DCLK2: variants seen among roughly 807,000 people sequenced by gnomAD.
The protein encoded by DCLK2 is doublecortin like kinase 2, also known as serine/threonine-protein kinase DCLK2.
Under a neutral mutation model 78.4 loss-of-function variants are expected in DCLK2, and 31 were observed. The observed-to-expected ratio is 0.40, with a 90% CI of 0.30 to 0.53. The LOEUF (loss-of-function observed/expected upper bound fraction) is 0.53. DCLK2 is among the 20% of genes least tolerant of loss of function. The pLI, the probability that DCLK2 is intolerant of heterozygous loss-of-function variation, is 0.61. For synonymous variants in DCLK2, 407 were observed against 374.9 expected (o/e 1.09, Z -0.99); for missense variants, 872 against 973.7 (o/e 0.90, Z 1.39).
intron 12 of DCLK2, among the ~76,000 whole-genome samples, chr4:150,241,183 T>C (rs1580783272): frequency 6.6e-6 from 1 of 152,364 alleles, no homozygotes; most frequent in East Asian, 1.9e-4. Flanking sequence ...TGACATTTAA[T>C]TAAGAATAGA....
intron 2 of DCLK2, among the ~76,000 whole-genome samples, chr4:150,132,348 GT>G (rs1289774127): frequency 3.3e-5 from 5 of 152,196 alleles, no homozygotes; most frequent in Non-Finnish European, 7.3e-5. Flanking sequence ...AATTCAGTGG[GT>G]AATGTGGACT....
intron 15 of DCLK2, among the ~76,000 whole-genome samples, chr4:150,255,239 G>A (rs1305760352): frequency 6.6e-6 from 1 of 152,202 alleles, no homozygotes; most frequent in Non-Finnish European, 1.5e-5. Context: ...AGGTGCCTGG[G>A]AACTGCCATC....
At chr4:150,113,418 A>G (rs544925713) in intron 2 of DCLK2, among the ~76,000 whole-genome samples, 1 of 151,376 alleles carries the variant, frequency 6.6e-6, no homozygotes, top group Non-Finnish European at 1.5e-5. Flanking sequence ...ATTTTGATTC[A>G]GTCTCACTAC....
chr4:150,174,307 A>G (rs1465855024), intron 2 of DCLK2, among the ~76,000 whole-genome samples: 1 of 152,176 alleles, frequency 6.6e-6, no homozygotes, highest in African/African-American at 2.4e-5. Context: ...GACCTCTCTT[A>G]TGAAGCTGCT....
intron 2 of DCLK2, among the ~76,000 whole-genome samples, chr4:150,153,092 G>T (rs549420407): frequency 6.6e-6 from 1 of 152,288 alleles, no homozygotes; most frequent in Non-Finnish European, 1.5e-5. Flanking sequence ...GAATTTTATT[G>T]GTCTAAGCAA....
intron 8 of DCLK2, among the ~76,000 whole-genome samples, chr4:150,231,210 T>G (rs1362455278): frequency 6.6e-6 from 1 of 152,224 alleles, no homozygotes; most frequent in Non-Finnish European, 1.5e-5. Flanking sequence ...TGTTCAAACA[T>G]TACACAAGTA....
chr4:150,211,881 A>G (rs371914632), intron 5 of DCLK2, among the ~76,000 whole-genome samples: 3 of 152,218 alleles, frequency 2.0e-5, no homozygotes, highest in Admixed American at 1.3e-4. Flanking sequence ...AACTTTTCCC[A>G]TAGGAATATT....
chr4:150,217,519 G>A (rs1740814298), intron 5 of DCLK2, among the ~76,000 whole-genome samples: 1 of 152,196 alleles, frequency 6.6e-6, no homozygotes, highest in South Asian at 2.1e-4. Context: ...GTAACCGTCA[G>A]CACCTATCCT....
intron 2 of DCLK2, among the ~76,000 whole-genome samples, chr4:150,172,764 G>GTT (rs747350294): frequency 1.8e-4 from 23 of 128,056 alleles, no homozygotes; most frequent in East Asian, 4.4e-4. Context: ...TTTTTTTGGG[G>GTT]GGGGGGGGGA....
At chr4:150,126,084 A>G (rs1233302185) in intron 2 of DCLK2, among the ~76,000 whole-genome samples, 1 of 152,236 alleles carries the variant, frequency 6.6e-6, no homozygotes, top group Non-Finnish European at 1.5e-5. Context: ...ATGTTTGGAT[A>G]CTATGAGAGT....
intron 2 of DCLK2, among the ~76,000 whole-genome samples, chr4:150,129,694 T>G (rs944825349): frequency 2.6e-5 from 4 of 151,826 alleles, no homozygotes; most frequent in Non-Finnish European, 5.9e-5. Context: ...CACTTCAGGC[T>G]GGCGACAGAG....
At chr4:150,173,492 C>T (rs914247623) in intron 2 of DCLK2, among the ~76,000 whole-genome samples, 5 of 152,088 alleles carry the variant, frequency 3.3e-5, no homozygotes, top group African/African-American at 7.2e-5. Context: ...TCTGAGGTGT[C>T]GTGTGATGAA....
Position 150,102,544 on chromosome 4 carries a change from C to G in DCLK2, c.488C>G (p.Pro163Arg). 3 of 1,614,088 alleles carry G rather than the reference C, an allele frequency of 1.9e-6. No individual in the cohort carries two copies. The highest frequency in any genetic ancestry group is 2.5e-6 in the Non-Finnish European group (3 of 1,180,004). Residue 163 changes from proline (P) to arginine (R), a missense_variant, in exon 2 of 16, where the codon CCA (proline) becomes CGA (arginine). Coordinates refer to ENST00000296550, the MANE Select transcript of DCLK2 (RefSeq NM_001040260.4). Reference sequence around the variant, plus strand: ...GTCGATTACACCAAAAATATTAATCCAAACTGGTCTGTGAACATCAAGGGT... The same window carrying G: ...GTCGATTACACCAAAAATATTAATCGAAACTGGTCTGTGAACATCAAGGGT... ...RKVDYTKNIN[P>R]NWSVNIKGGT...
Position 150,140,603 on chromosome 4 carries a change from A to C in DCLK2, c.756+37791A>C, listed in dbSNP as rs1258183563. On this transcript the variant is annotated intron_variant, in intron 2 of 15. Transcript: ENST00000296550. ...CTGCCTTATGCTCATGACATATCTT[A>C]CTGAAGATAAGTCAGTGTGCTAGTG... Among the ~76,000 whole-genome samples the C allele has an allele frequency of 3.9e-5, 6 of 152,342 alleles. No individual in the cohort carries two copies. In the East Asian group the frequency reaches 7.7e-4, roughly 20 times the overall value.
intron 2 of DCLK2, among the ~76,000 whole-genome samples, chr4:150,121,598 C>A (rs1560789448): frequency 6.6e-6 from 1 of 152,176 alleles, no homozygotes; most frequent in Non-Finnish European, 1.5e-5. Context: ...TCAACTTCTT[C>A]CAGACTCCTG....
intron 5 of DCLK2, among the ~76,000 whole-genome samples, chr4:150,220,370 A>G (rs907641060): frequency 3.9e-5 from 6 of 152,210 alleles, no homozygotes; most frequent in Non-Finnish European, 7.3e-5. Flanking sequence ...AGAATTATCT[A>G]TAGTTCTAAG....
rs529521657 is a variant in DCLK2 at position 150,246,166 on chromosome 4, T to C, written c.1779-1437T>C. ...TTCAAGGGATTCTCCTGCCCCAGCC[T>C]CCTGAGTAGCTGGGATTACAGGTGC... On this transcript the variant is annotated intron_variant, in intron 12 of 15. Transcript: ENST00000296550. Among the ~76,000 whole-genome samples the C allele has an allele frequency of 3.5e-3, 538 of 152,074 alleles. 5 individuals are homozygous for C. The highest frequency in any genetic ancestry group is 0.012 in the African/African-American group (505 of 41,498).
At position 150,193,105 on chromosome 4, in the gene DCLK2, A is replaced by G. The variant is rs1280741013; in HGVS notation, c.757-33A>G. ...TTTTCATTTCACTTCTAATGTGTCT[A>G]ATTTATTTCTTGGACATGATTTTTG... On this transcript the variant is annotated intron_variant, in intron 2 of 15. Transcript: ENST00000296550. 3.2e-5 allele frequency: 42 copies of G among 1,324,700 alleles called. No homozygotes were observed. In the Admixed American group the frequency reaches 6.8e-4, roughly 21 times the overall value. 82.1% of individuals were successfully genotyped at this position (1,324,700 alleles called of 1,614,324 possible).
intron 5 of DCLK2, among the ~76,000 whole-genome samples, chr4:150,215,820 G>A (rs953879335): frequency 6.6e-6 from 1 of 152,244 alleles, no homozygotes; most frequent in Non-Finnish European, 1.5e-5. Flanking sequence ...TGGCTTCAGG[G>A]TATGGGGCAG....
Sources: allele counts gnomAD v4.1 joint callset (sites outside exome capture counted in the v4.1 genomes callset), GRCh38; gene constraint gnomAD v4.1.1; transcripts MANE v1.5; gene names NCBI Gene and HGNC (gene_info 2026-07-23, HGNC 2026-07-21).